PAPPA2: variants seen among roughly 807,000 people sequenced by gnomAD.
The protein encoded by PAPPA2 is pappalysin 2, also known as pappalysin-2.
A neutral mutation model predicts 176.4 loss-of-function variants in PAPPA2; 86 were observed. The observed-to-expected ratio is 0.49, with a 90% CI of 0.41 to 0.58. PAPPA2 has a LOEUF of 0.58. Ranked by LOEUF, PAPPA2 falls within the 20% of genes least tolerant of loss-of-function variation. The pLI is 0.00. For missense variants in PAPPA2, 2,073 were observed against 2,256.9 expected (o/e 0.92, Z 1.65); for synonymous variants, 809 against 852.2 (o/e 0.95, Z 0.88).
intron 1 of PAPPA2, among the ~76,000 whole-genome samples, chr1:176,489,496 G>T (rs368360111): frequency 6.6e-5 from 10 of 152,314 alleles, no homozygotes; most frequent in African/African-American, 2.4e-4. Context: ...CAGAGAGGCT[G>T]GTGACACGTT....
At chr1:176,705,726 T>C (rs1660852886) in intron 9 of PAPPA2, among the ~76,000 whole-genome samples, 1 of 152,208 alleles carries the variant, frequency 6.6e-6, no homozygotes, top group Non-Finnish European at 1.5e-5. Context: ...ATTTTTCTTC[T>C]CTCAGCATTT....
chr1:176,674,956 T>A (rs189869511), intron 4 of PAPPA2, among the ~76,000 whole-genome samples: 160 of 152,146 alleles, frequency 1.1e-3, no homozygotes, highest in African/African-American at 3.6e-3. Flanking sequence ...TTTGATTTTT[T>A]AAAAAAATTA....
intron 3 of PAPPA2, among the ~76,000 whole-genome samples, chr1:176,636,359 T>G: frequency 6.6e-6 from 1 of 152,280 alleles, no homozygotes; most frequent in African/African-American, 2.4e-5. Context: ...ATTCTAGTAG[T>G]GTACTTGAAT....
intron 21 of PAPPA2, among the ~76,000 whole-genome samples, chr1:176,815,580 C>A (rs2102967205): frequency 6.6e-6 from 1 of 152,242 alleles, no homozygotes. Context: ...AGGTCTCAAT[C>A]AATTTAGAAA....
intron 1 of PAPPA2, among the ~76,000 whole-genome samples, chr1:176,478,563 G>T (rs1280924437): frequency 6.6e-6 from 1 of 152,212 alleles, no homozygotes; most frequent in Admixed American, 6.5e-5. Context: ...ATAGTTACTG[G>T]CATCACATCA....
chr1:176,667,884 T>C (rs538992035), intron 3 of PAPPA2, among the ~76,000 whole-genome samples: 1 of 152,318 alleles, frequency 6.6e-6, no homozygotes, highest in African/African-American at 2.4e-5. Context: ...TCACTTTTCC[T>C]ACACTTTTAC....
chr1:176,479,456 C>G (rs1272618069), intron 1 of PAPPA2, among the ~76,000 whole-genome samples: 1 of 152,100 alleles, frequency 6.6e-6, no homozygotes, highest in African/African-American at 2.4e-5. Context: ...CTCTGCTCAC[C>G]AGGCTAGCAG....
intron 3 of PAPPA2, among the ~76,000 whole-genome samples, chr1:176,611,272 C>T (rs1348313385): frequency 1.3e-5 from 2 of 152,102 alleles, no homozygotes; most frequent in Non-Finnish European, 2.9e-5. Context: ...TGGCATCTGG[C>T]ATCTATAAGA....
intron 17 of PAPPA2, among the ~76,000 whole-genome samples, chr1:176,788,646 G>T (rs756109171): frequency 6.6e-6 from 1 of 152,102 alleles, no homozygotes; most frequent in Non-Finnish European, 1.5e-5. Flanking sequence ...CAGTAGGGAG[G>T]ACCCTAATTC....
At chr1:176,498,983 T>C (rs2102505413) in intron 1 of PAPPA2, among the ~76,000 whole-genome samples, 1 of 152,300 alleles carries the variant, frequency 6.6e-6, no homozygotes, top group East Asian at 1.9e-4. Flanking sequence ...CCCTTCATTC[T>C]TATTTCTTTT....
chr1:176,825,993 C>A (rs1040989562), intron 21 of PAPPA2, among the ~76,000 whole-genome samples: 3 of 152,156 alleles, frequency 2.0e-5, no homozygotes, highest in East Asian at 1.9e-4. Context: ...TAGCATTCCA[C>A]GTCACGCTAT....
chr1:176,682,967 A>C (rs1441759515), intron 4 of PAPPA2, among the ~76,000 whole-genome samples: 2 of 152,002 alleles, frequency 1.3e-5, no homozygotes, highest in African/African-American at 4.8e-5. Context: ...GAACTGTTTT[A>C]GAGTTTTTCA....
intron 3 of PAPPA2, among the ~76,000 whole-genome samples, chr1:176,641,587 A>C (rs370543587): frequency 6.6e-6 from 1 of 151,950 alleles, no homozygotes; most frequent in Admixed American, 6.6e-5. Flanking sequence ...GTTTTTGGTT[A>C]CTGTAGCCTT....
At chr1:176,582,398 C>G (rs539462330) in intron 2 of PAPPA2, among the ~76,000 whole-genome samples, 2 of 152,218 alleles carry the variant, frequency 1.3e-5, no homozygotes, top group Admixed American at 6.5e-5. Context: ...TTTTCCAGTT[C>G]TTAGAGAAAA....
intron 1 of PAPPA2, among the ~76,000 whole-genome samples, chr1:176,530,678 G>A (rs1051250288): frequency 6.6e-6 from 1 of 152,016 alleles, no homozygotes; most frequent in Non-Finnish European, 1.5e-5. Context: ...CTAAGAAACA[G>A]CAACATCCAC....
intron 1 of PAPPA2, among the ~76,000 whole-genome samples, chr1:176,488,911 T>C (rs1358724439): frequency 6.6e-6 from 1 of 152,258 alleles, no homozygotes; most frequent in East Asian, 1.9e-4. Flanking sequence ...AGAACACTGG[T>C]TCTAGTTTTA....
intron 21 of PAPPA2, among the ~76,000 whole-genome samples, chr1:176,820,823 A>C (rs1388724570): frequency 6.6e-6 from 1 of 152,188 alleles, no homozygotes; most frequent in Non-Finnish European, 1.5e-5. Flanking sequence ...AGAAAAGAAA[A>C]GAGAAAAAGA....
chr1:176,812,377 C>T (rs147385786), intron 21 of PAPPA2, among the ~76,000 whole-genome samples: 3 of 152,180 alleles, frequency 2.0e-5, no homozygotes, highest in Non-Finnish European at 4.4e-5. Context: ...AATGATTTTG[C>T]TGAAGTTATA....
intron 2 of PAPPA2, among the ~76,000 whole-genome samples, chr1:176,588,291 C>T (rs1010619071): frequency 1.3e-5 from 2 of 152,222 alleles, no homozygotes; most frequent in African/African-American, 4.8e-5. Flanking sequence ...AGTTGCTTAT[C>T]AGTTCAAGAA....
Sources: gnomAD v4.1 joint callset for allele counts (sites outside exome capture counted in the v4.1 genomes callset) on GRCh38, gnomAD v4.1.1 for gene constraint, MANE v1.5 for transcripts, NCBI Gene and HGNC (gene_info 2026-07-23, HGNC 2026-07-21) for gene names.